The following HTR7 variants were observed in gnomAD, a reference collection of about 807,000 sequenced individuals.
The protein encoded by HTR7 is 5-HT-7.
Under a neutral mutation model 34.0 loss-of-function variants are expected in HTR7, and 16 were observed. The observed-to-expected ratio is 0.47, with a 90% confidence interval of 0.32 to 0.71. The LOEUF (loss-of-function observed/expected upper bound fraction) is 0.71, where lower values mean the gene tolerates loss of function less well. Among genes scored for constraint, HTR7 ranks in the 30% least tolerant of loss-of-function variants. The pLI is 0.04. For synonymous variants in HTR7, 265 were observed against 260.2 expected, an observed-to-expected ratio of 1.02 and a Z score of -0.18; for missense variants, 504 against 625.5, an observed-to-expected ratio of 0.81 and a Z score of 2.07.
At chr10:90,834,937 A>G (rs1846231196) in intron 1 of HTR7, among the ~76,000 whole-genome samples, 1 of 152,176 alleles carries the variant, frequency 6.6e-6, no homozygotes, top group Admixed American at 6.5e-5. Context: ...AAGGCTGCAT[A>G]CAAGTGATAT....
At chr10:90,853,673 G>A (rs1437976852) in intron 1 of HTR7, among the ~76,000 whole-genome samples, 1 of 151,942 alleles carries the variant, frequency 6.6e-6, no homozygotes, top group Non-Finnish European at 1.5e-5. Context: ...TGGATGACAA[G>A]ATATTCTATA....
At position 90,742,470 on chromosome 10, in the gene HTR7, A is replaced by C; in HGVS notation, c.*12T>G. 1 of 1,598,276 alleles carries C rather than the reference A, an allele frequency of 6.3e-7. No homozygotes were observed. Among genetic ancestry groups the C allele is most frequent in the East Asian group, 2.2e-5 (1 of 44,754 alleles). On this transcript the variant is annotated 3_prime_UTR_variant, in exon 4 of 4. Transcript: ENST00000336152. ...ATTTTGCCTTGTTTATTTCATCTCC[A>C]TTGTTCTGCTTTCAATCATGAATCA...
chr10:90,810,154 A>G (rs1233520229), intron 1 of HTR7, among the ~76,000 whole-genome samples: 1 of 152,036 alleles, frequency 6.6e-6, no homozygotes, highest in African/African-American at 2.4e-5. Flanking sequence ...ACTCCTTTTT[A>G]GTTATCCCCA....
intron 1 of HTR7, among the ~76,000 whole-genome samples, chr10:90,778,939 C>T (rs1845265266): frequency 6.6e-6 from 1 of 152,330 alleles, no homozygotes; most frequent in African/African-American, 2.4e-5. Context: ...GGCACCCTGA[C>T]CTTTGCCTTG....
chr10:90,792,654 T>C (rs1231714303), intron 1 of HTR7, among the ~76,000 whole-genome samples: 4 of 152,094 alleles, frequency 2.6e-5, no homozygotes, highest in East Asian at 1.9e-4. Flanking sequence ...TACATGTGGA[T>C]AAAACTATCA....
chr10:90,778,347 TG>T (rs1845251871), intron 1 of HTR7, among the ~76,000 whole-genome samples: 1 of 152,038 alleles, frequency 6.6e-6, no homozygotes, highest in African/African-American at 2.4e-5. Flanking sequence ...TAGATTATTA[TG>T]GGAGTGGAAG....
At chr10:90,839,504 A>G (rs1310441857) in intron 1 of HTR7, among the ~76,000 whole-genome samples, 1 of 152,220 alleles carries the variant, frequency 6.6e-6, no homozygotes, top group Non-Finnish European at 1.5e-5. Context: ...AGAGAATGGA[A>G]TATGTTATAA....
intron 1 of HTR7, among the ~76,000 whole-genome samples, chr10:90,848,069 C>CTTTTTTTTTTTT (rs61675028): frequency 2.9e-4 from 33 of 112,092 alleles, no homozygotes; most frequent in African/African-American, 5.0e-4. Flanking sequence ...TCTCTTTGTT[C>CTTTTTTTTTTTT]TTTTTTTTTT....
intron 1 of HTR7, among the ~76,000 whole-genome samples, chr10:90,808,473 G>A (rs182217377): frequency 5.8e-4 from 88 of 152,164 alleles, no homozygotes; most frequent in Non-Finnish European, 9.0e-4. Context: ...GTATCTCTGC[G>A]CCCCGATCCC....
At chr10:90,801,789 C>T (rs1845630902) in intron 1 of HTR7, among the ~76,000 whole-genome samples, 1 of 152,180 alleles carries the variant, frequency 6.6e-6, no homozygotes, top group Admixed American at 6.5e-5. Flanking sequence ...TCCTGGCCTC[C>T]TTGTGCAATC....
At chr10:90,840,516 G>A (rs1000205248) in intron 1 of HTR7, among the ~76,000 whole-genome samples, 3 of 152,178 alleles carry the variant, frequency 2.0e-5, no homozygotes, top group African/African-American at 7.2e-5. Flanking sequence ...AGCAGCCACC[G>A]CAACCAAGAG....
chr10:90,842,038 A>C (rs1034321714), intron 1 of HTR7, among the ~76,000 whole-genome samples: 19 of 151,550 alleles, frequency 1.3e-4, no homozygotes, highest in African/African-American at 3.1e-4. Context: ...ACAACAACAA[A>C]AAAGATCCTG....
intron 1 of HTR7, among the ~76,000 whole-genome samples, chr10:90,750,832 A>G (rs1380869621): frequency 1.3e-5 from 2 of 152,230 alleles, no homozygotes; most frequent in Non-Finnish European, 2.9e-5. Flanking sequence ...ACACTGAAAT[A>G]TAGTAAAAAA....
At chr10:90,790,860 A>G (rs903045940) in intron 1 of HTR7, among the ~76,000 whole-genome samples, 30 of 152,078 alleles carry the variant, frequency 2.0e-4, no homozygotes, top group Non-Finnish European at 7.4e-5. Context: ...AAAGAGAGTA[A>G]GAGAGAGAGA....
chr10:90,792,452 CAT>C (rs908578795), intron 1 of HTR7, among the ~76,000 whole-genome samples: 10 of 151,814 alleles, frequency 6.6e-5, no homozygotes, highest in African/African-American at 2.4e-4. Context: ...ATATTATAAA[CAT>C]ATCTTTTTCA....
At chr10:90,801,755 G>T (rs749291574) in intron 1 of HTR7, among the ~76,000 whole-genome samples, 4 of 152,170 alleles carry the variant, frequency 2.6e-5, no homozygotes, top group African/African-American at 4.8e-5. Context: ...CAGCAAATAG[G>T]TAAGAAATTC....
chr10:90,780,391 T>G (rs112743522), intron 1 of HTR7, among the ~76,000 whole-genome samples: 2,598 of 151,960 alleles, frequency 0.017, 87 homozygotes, highest in African/African-American at 0.058. Flanking sequence ...CGTAAAATTA[T>G]CTGGGCGTGG....
chr10:90,754,557 G>C lies in HTR7; in HGVS notation c.540-4963C>G, dbSNP rs1844802327. Among the ~76,000 whole-genome samples, 3 of 152,250 alleles carry C rather than the reference G, an allele frequency of 2.0e-5. No individual in the cohort carries two copies. In the South Asian group the frequency reaches 6.2e-4, roughly 32 times the overall value. On this transcript the variant is annotated intron_variant, in intron 1 of 3. Coordinates refer to ENST00000336152, the MANE Select transcript of HTR7 (RefSeq NM_019859.4). ...AAATGCATACGAATGTTAAAGTACA[G>C]TAAATCTCAGAGACGAAAGCACTGA... is the stretch of plus-strand genomic sequence containing the variant.
chr10:90,771,431 G>A (rs1312117457), intron 1 of HTR7, among the ~76,000 whole-genome samples: 1 of 152,246 alleles, frequency 6.6e-6, no homozygotes, highest in East Asian at 1.9e-4. Context: ...AAGAGAAGGA[G>A]AGAAGAGCTG....
Sources: gnomAD v4.1 joint callset for allele counts (sites outside exome capture counted in the v4.1 genomes callset) on GRCh38, gnomAD v4.1.1 for gene constraint, MANE v1.5 for transcripts, NCBI Gene and HGNC (gene_info 2026-07-23, HGNC 2026-07-21) for gene names.